The following NCKIPSD variants were observed in gnomAD, a reference collection of about 807,000 sequenced individuals.
NCKIPSD encodes the protein NCK interacting protein with SH3 domain.
Under a neutral mutation model 73.4 loss-of-function variants are expected in NCKIPSD, and 48 were observed. That is an observed-to-expected ratio of 0.65 (90% CI 0.52 to 0.83). The LOEUF (loss-of-function observed/expected upper bound fraction) is 0.83. Ranked by LOEUF, NCKIPSD falls within the 40% of genes least tolerant of loss-of-function variation. The pLI, the probability that NCKIPSD is intolerant of heterozygous loss-of-function variation, is 0.00. For missense variants in NCKIPSD, 884 were observed against 970.2 expected, an observed-to-expected ratio of 0.91 and a Z score of 1.18; for synonymous variants, 422 against 403.6, an observed-to-expected ratio of 1.05 and a Z score of -0.54.
rs764097851 is a variant in NCKIPSD at position 48,679,621 on chromosome 3, G to C, written c.1443C>G (p.Ser481=). Residue 481 remains serine (S), a synonymous_variant, in exon 8 of 13, where the codon TCC becomes TCG. Transcript: ENST00000294129. ...DAAIISTLVS[S]VLPVELARDM... ...CCCTCGCCAGCTCTACAGGCAGCAC[G>C]GATGACACAAGCGTGGAGATGATGG... 6.2e-7 allele frequency: 1 copy of C among 1,614,182 alleles called. No individual in the cohort carries two copies. Among genetic ancestry groups the C allele is most frequent in the South Asian group, 1.1e-5 (1 of 91,084 alleles).
At position 48,674,378 on chromosome 3, in the gene NCKIPSD, C is replaced by A; in HGVS notation, c.*166G>T. On this transcript the variant is annotated 3_prime_UTR_variant, in exon 13 of 13. Transcript: ENST00000294129. ...CAGCTCCCAGACCATGGTCCCCAAT[C>A]CTACACTTGGCCCCTCTCTTAAGTT... 2 of 1,449,752 alleles carry A rather than the reference C, an allele frequency of 1.4e-6. No homozygotes were observed. The highest frequency in any genetic ancestry group is 1.8e-6 in the Non-Finnish European group (2 of 1,103,408). 89.8% of individuals were successfully genotyped at this position (1,449,752 alleles called of 1,614,324 possible).
chr3:48,678,792 C>A, intron 11 of NCKIPSD, 56 bp from the exon 12 acceptor site: 1 of 1,611,944 alleles, frequency 6.2e-7, no homozygotes, highest in Non-Finnish European at 8.5e-7. Flanking sequence ...CCCAGAGTCA[C>A]CCCAGGGGGT....
intron 1 of NCKIPSD, among the ~76,000 whole-genome samples, chr3:48,685,219 GAGGGAGGGAGGT>G (rs1428913419): frequency 2.4e-5 from 3 of 126,760 alleles, no homozygotes; most frequent in African/African-American, 8.9e-5. Flanking sequence ...GGGAGGGAGG[GAGGGAGGGAGGT>G]TGGTTGTGGG....
At chr3:48,682,024 C>T in intron 4 of NCKIPSD, 21 bp downstream of exon 4, 1 of 1,595,838 alleles carries the variant, frequency 6.3e-7, no homozygotes, top group African/African-American at 1.3e-5. Flanking sequence ...CACCTGAATT[C>T]CCCTAACCCT....
chr3:48,684,622 G>A (rs1180260656), intron 1 of NCKIPSD, among the ~76,000 whole-genome samples: 1 of 152,242 alleles, frequency 6.6e-6, no homozygotes, highest in East Asian at 1.9e-4. Context: ...ACTAGGACGG[G>A]GCGGGGGTGT....
intron 1 of NCKIPSD, 132 bp from the exon 2 acceptor site, chr3:48,683,144 A>G: frequency 6.8e-7 from 1 of 1,476,924 alleles, no homozygotes; most frequent in South Asian, 1.2e-5. Flanking sequence ...ATAGCACAAA[A>G]AGTTGAACCA....
At chr3:48,680,271 C>T (rs1559493514) in intron 5 of NCKIPSD, 42 bp from the exon 6 acceptor site, 1 of 1,530,890 alleles carries the variant, frequency 6.5e-7, no homozygotes, top group East Asian at 2.3e-5. Flanking sequence ...CACTCCCTGC[C>T]CTCACCATCT....
intron 3 of NCKIPSD, 61 bp from the exon 4 acceptor site, chr3:48,682,217 G>A (rs931725490): frequency 4.0e-5 from 63 of 1,561,490 alleles, no homozygotes; most frequent in East Asian, 1.1e-4. Flanking sequence ...AGCGAGGCTC[G>A]GGCCCTGAGC....
At chr3:48,677,108 G>C (rs1397141308) in intron 12 of NCKIPSD, among the ~76,000 whole-genome samples, 2 of 150,162 alleles carry the variant, frequency 1.3e-5, no homozygotes, top group Non-Finnish European at 3.0e-5. Flanking sequence ...ACTCTCCCTG[G>C]CCAGGCACGG....
At position 48,685,846 on chromosome 3, in the gene NCKIPSD, C is replaced by A; in HGVS notation, c.-39G>T. ...GCAGGTGCAGGGAAGGTGGCAAGGG[C>A]TGCGGCGCCACAACGCCAGGCCGGG... On this transcript the variant is annotated 5_prime_UTR_variant, in exon 1 of 13. Transcript: ENST00000294129. The A allele has an allele frequency of 7.3e-7, 1 of 1,370,570 alleles. No homozygotes were observed. The highest frequency in any genetic ancestry group is 1.7e-5 in the South Asian group (1 of 59,998). 84.9% of individuals were successfully genotyped at this position (1,370,570 alleles called of 1,614,324 possible).
intron 5 of NCKIPSD, 198 bp downstream of exon 5, chr3:48,681,089 T>A: frequency 1.3e-6 from 1 of 788,350 alleles, no homozygotes; most frequent in African/African-American, 1.7e-5. Flanking sequence ...TTGTGGCCCT[T>A]GTCCAGGCTG....
rs753672460 is a variant in NCKIPSD, at chr3:48,678,954, A to G, written c.1715T>C (p.Val572Ala). ...NLHLPAADQNVIMAALSKHAN... is the reference protein window; with the variant it reads ...NLHLPAADQNAIMAALSKHAN... ...GTGTTTGCTCAGGGCAGCCATGATG[A>G]CATTCTGGTCAGCAGCTAAGGAAGG... Residue 572 changes from valine (V) to alanine (A), a missense_variant, in exon 11 of 13, where the codon GTC (valine) becomes GCC (alanine). Coordinates refer to ENST00000294129, the MANE Select transcript of NCKIPSD (RefSeq NM_016453.4). The G allele has an allele frequency of 6.2e-7, 1 of 1,613,966 alleles. No individual in the cohort carries two copies. Among genetic ancestry groups the G allele is most frequent in the East Asian group, 2.2e-5 (1 of 44,886 alleles).
chr3:48,678,867 G>A lies in NCKIPSD; in HGVS notation c.1792+10C>T, dbSNP rs770399375. The stretch of plus-strand genomic sequence containing the variant: ...GGAAGTGGTACCCGCGCAGATTCCC[G>A]GGCCCTCACCCCCTCTGTTCAGGAG... On this transcript the variant is annotated intron_variant, in intron 11 of 12. Coordinates refer to ENST00000294129, the MANE Select transcript of NCKIPSD (RefSeq NM_016453.4). 8.1e-6 allele frequency: 13 copies of A among 1,613,668 alleles called. No individual in the cohort carries two copies. The highest frequency in any genetic ancestry group is 2.2e-5 in the South Asian group (2 of 91,060).
Position 48,679,201 on chromosome 3 carries a change from A to G in NCKIPSD, c.1571-18T>C. ...CAGGTGCTCTGGGAGAGGGGCGCAC[A>G]GAAGTCTGCAGCCCCATTCCCCTCC... On this transcript the variant is annotated intron_variant, in intron 9 of 12. Coordinates refer to ENST00000294129, the MANE Select transcript of NCKIPSD (RefSeq NM_016453.4). 1 of 1,613,316 alleles carries G rather than the reference A, an allele frequency of 6.2e-7. No individual in the cohort carries two copies. Among genetic ancestry groups the G allele is most frequent in the South Asian group, 1.1e-5 (1 of 91,012 alleles).
chr3:48,680,373 A>C, intron 5 of NCKIPSD, 144 bp from the exon 6 acceptor site: 1 of 925,084 alleles, frequency 1.1e-6, no homozygotes, highest in Admixed American at 3.2e-5. Flanking sequence ...AGGAGGCTCA[A>C]CTCCAGTCTT....
In NCKIPSD at chr3:48,674,590, C is replaced by T. The variant is rs773411729; in HGVS notation, c.2123G>A (p.Arg708Gln). ...PQCQMDRMIV[R>Q]EMCKEFLVLG... ...CACCAGGAATTCCTTGCACATCTCT[C>T]GGACAATCATGCGGTCCATCTGGCA... Residue 708 changes from arginine to glutamine, a missense_variant, in exon 13 of 13, where the codon CGA becomes CAA. Arg to Gln is a conservative substitution (Grantham distance 43, BLOSUM62 1). Coordinates refer to ENST00000294129, the MANE Select transcript of NCKIPSD (RefSeq NM_016453.4). 1.7e-5 allele frequency: 28 copies of T among 1,607,850 alleles called. 1 individual carries two copies. The highest frequency in any genetic ancestry group is 8.9e-5 in the South Asian group (8 of 89,768).
intron 1 of NCKIPSD, among the ~76,000 whole-genome samples, chr3:48,683,424 A>G (rs2077387179): frequency 6.6e-6 from 1 of 152,172 alleles, no homozygotes; most frequent in African/African-American, 2.4e-5. Flanking sequence ...AGTATCTGGA[A>G]TCCTTAATAC....
In NCKIPSD at chr3:48,682,092, G is replaced by T. The variant is rs140067626; in HGVS notation, c.551C>A (p.Pro184Gln). The change falls in exon 4 of 13, where the codon CCA (proline) becomes CAA (glutamine). Residue 184 changes from proline to glutamine, a missense_variant. Transcript: ENST00000294129. ...CTCGCGGTCTCGGCGCTTCACTGGT[G>T]GGGGCGGTGTGGTGGGTGCTGCTCG... ...PRRAAPTTPPPPVKRRDREAL... is the reference protein window; with the variant it reads ...PRRAAPTTPPQPVKRRDREAL... 2 of 1,601,868 alleles carry T rather than the reference G, an allele frequency of 1.2e-6. No homozygotes were observed. The highest frequency in any genetic ancestry group is 1.7e-5 in the Admixed American group (1 of 60,008).
intron 1 of NCKIPSD, among the ~76,000 whole-genome samples, chr3:48,684,227 C>T (rs544578455): frequency 1.3e-5 from 2 of 152,112 alleles, no homozygotes; most frequent in South Asian, 4.1e-4. Flanking sequence ...GAAAGAGACA[C>T]GCAGAAAGAA....
Sources: gnomAD v4.1 joint callset for allele counts (sites outside exome capture counted in the v4.1 genomes callset) on GRCh38, gnomAD v4.1.1 for gene constraint, MANE v1.5 for transcripts, NCBI Gene and HGNC (gene_info 2026-07-23, HGNC 2026-07-21) for gene names.